Variants in TFDP2 observed in about 807,000 individuals in gnomAD.
TFDP2 encodes transcription factor Dp-2 (E2F dimerization partner 2).
Under a neutral mutation model 59.3 loss-of-function variants are expected in TFDP2, and 17 were observed. The ratio of observed to expected loss-of-function variants is 0.29; its 90% CI spans 0.20 to 0.43. The LOEUF is 0.43. Among genes scored for constraint, TFDP2 ranks in the 20% least tolerant of loss-of-function variants. The probability of loss-of-function intolerance (pLI) is 1.00; values close to 1 mark genes in which losing one functional copy is unlikely to be tolerated. For synonymous variants in TFDP2, 180 were observed against 194.7 expected (o/e 0.92, Z 0.63); for missense variants, 391 against 528.8 (o/e 0.74, Z 2.56).
At chr3:141,998,493 G>A (rs1021576470) in intron 4 of TFDP2, among the ~76,000 whole-genome samples, 2 of 151,860 alleles carry the variant, frequency 1.3e-5, no homozygotes, top group South Asian at 2.1e-4. Flanking sequence ...GGTGCACGCC[G>A]GTAATCCCAG....
rs147534228 is a variant in TFDP2, at chr3:142,149,123, C to T, written c.-93+60G>A. 2.2e-3 allele frequency: 865 copies of T among 397,850 alleles called. 7 individuals are homozygous for T. The highest frequency in any genetic ancestry group is 0.016 in the African/African-American group (788 of 48,698). 24.6% of individuals were successfully genotyped at this position (397,850 alleles called of 1,614,324 possible). A position where few individuals can be genotyped will look rare whatever the true frequency, so the allele number is the denominator to read the frequency against. On this transcript the variant is annotated intron_variant, in intron 1 of 12. Transcript: ENST00000489671. ...AGGGAGGGAAACCTACCCAGGAACG[C>T]GCCCGGCCGGGTCCAAAGGCCCTCC... is the stretch of plus-strand genomic sequence containing the variant.
intron 3 of TFDP2, among the ~76,000 whole-genome samples, chr3:142,066,711 G>C (rs985860375): frequency 6.6e-6 from 1 of 152,026 alleles, no homozygotes; most frequent in African/African-American, 2.4e-5. Flanking sequence ...CTGTGACCCA[G>C]GGGACCCCAG....
intron 1 of TFDP2, among the ~76,000 whole-genome samples, chr3:142,104,914 A>T (rs2061426249): frequency 6.6e-6 from 1 of 152,154 alleles, no homozygotes; most frequent in Non-Finnish European, 1.5e-5. Context: ...CTAATAAATA[A>T]AGCAGCAGTG....
At chr3:141,970,665 A>C (rs1266808335) in intron 8 of TFDP2, among the ~76,000 whole-genome samples, 1 of 152,198 alleles carries the variant, frequency 6.6e-6, no homozygotes, top group African/African-American at 2.4e-5. Flanking sequence ...TCTATTATTA[A>C]TTACTTTGTT....
intron 1 of TFDP2, among the ~76,000 whole-genome samples, chr3:142,106,518 T>C (rs1454800488): frequency 6.6e-6 from 1 of 152,240 alleles, no homozygotes; most frequent in Non-Finnish European, 1.5e-5. Flanking sequence ...CCAAAGTGTC[T>C]AGAAATTAAA....
At chr3:142,104,987 C>A (rs984469013) in intron 1 of TFDP2, among the ~76,000 whole-genome samples, 2 of 152,048 alleles carry the variant, frequency 1.3e-5, no homozygotes, top group African/African-American at 4.8e-5. Context: ...GTTGTGTGAT[C>A]CTGAACAAGT....
intron 6 of TFDP2, among the ~76,000 whole-genome samples, chr3:141,980,036 G>C (rs1347724868): frequency 1.3e-5 from 2 of 151,392 alleles, no homozygotes; most frequent in African/African-American, 2.4e-5. Context: ...AGCCTTCCAA[G>C]TAGTTAGAAT....
intron 1 of TFDP2, among the ~76,000 whole-genome samples, chr3:142,117,504 G>A (rs1256074397): frequency 1.3e-5 from 2 of 152,034 alleles, no homozygotes; most frequent in Non-Finnish European, 2.9e-5. Flanking sequence ...AGAGTGAAGG[G>A]AGGTGAAAAA....
At chr3:142,097,435 A>C (rs991064678) in intron 2 of TFDP2, among the ~76,000 whole-genome samples, 2 of 152,230 alleles carry the variant, frequency 1.3e-5, no homozygotes, top group African/African-American at 4.8e-5. Flanking sequence ...TCATGCCTGT[A>C]ATAGGAGCAC....
chr3:141,973,630 C>T (rs1210823332), intron 8 of TFDP2, among the ~76,000 whole-genome samples: 1 of 150,782 alleles, frequency 6.6e-6, no homozygotes, highest in African/African-American at 2.4e-5. Context: ...ACTTCCACAG[C>T]TATATTCAGA....
intron 3 of TFDP2, among the ~76,000 whole-genome samples, chr3:142,025,912 C>T (rs910791249): frequency 6.6e-6 from 1 of 151,658 alleles, no homozygotes; most frequent in Non-Finnish European, 1.5e-5. Context: ...TGCAGTGAGC[C>T]GAGATCACAC....
chr3:142,141,279 C>A lies in TFDP2; in HGVS notation c.-93+7904G>T, dbSNP rs150284872. Among the ~76,000 whole-genome samples, 695 of 152,334 alleles carry A rather than the reference C, an allele frequency of 4.6e-3. 5 individuals carry two copies. Among genetic ancestry groups the A allele is most frequent in the African/African-American group, 0.016 (649 of 41,576 alleles). On this transcript the variant is annotated intron_variant, in intron 1 of 12. Transcript: ENST00000489671. ...TTTTTCCAGGTACAGTCTGTCACGG[C>A]TTCCCTTGACTAGGAAAGGGAAATC...
At chr3:142,007,058 G>A (rs1456858440) in intron 3 of TFDP2, among the ~76,000 whole-genome samples, 1 of 152,178 alleles carries the variant, frequency 6.6e-6, no homozygotes, top group Non-Finnish European at 1.5e-5. Context: ...ACAGGCGTGA[G>A]CCACCACGCC....
At chr3:142,011,375 G>A (rs1362575839) in intron 3 of TFDP2, among the ~76,000 whole-genome samples, 1 of 140,440 alleles carries the variant, frequency 7.1e-6, no homozygotes, top group African/African-American at 2.6e-5. Flanking sequence ...TCACTCATAG[G>A]TGGGAATTGA....
chr3:142,081,015 C>A (rs1576930504), intron 3 of TFDP2, among the ~76,000 whole-genome samples: 1 of 152,176 alleles, frequency 6.6e-6, no homozygotes, highest in East Asian at 1.9e-4. Context: ...AACATTTCAT[C>A]CAATGGCTGC....
In TFDP2 at chr3:141,959,908, T is replaced by C; in HGVS notation, c.885-68A>G. The stretch of plus-strand genomic sequence containing the variant: ...GAGGTCTGAATAGTTTTGTATTCTA[T>C]AGTTTAAGTAACAGAATGGGGGCCT... On this transcript the variant is annotated intron_variant, in intron 10 of 12. Transcript: ENST00000489671. The C allele has an allele frequency of 6.7e-6, 10 of 1,489,642 alleles. No individual in the cohort carries two copies. In the South Asian group the frequency reaches 7.6e-5, roughly 11 times the overall value. 92.3% of individuals were successfully genotyped at this position (1,489,642 alleles called of 1,614,324 possible). A position where few individuals can be genotyped will look rare whatever the true frequency, so the allele number is the denominator to read the frequency against.
At chr3:141,975,954 C>T (rs917069359) in intron 7 of TFDP2, among the ~76,000 whole-genome samples, 2 of 152,048 alleles carry the variant, frequency 1.3e-5, no homozygotes, top group African/African-American at 4.8e-5. Context: ...GATCTCAGCT[C>T]ACTGCAACCT....
intron 2 of TFDP2, among the ~76,000 whole-genome samples, chr3:142,094,533 G>T (rs1157340520): frequency 6.6e-6 from 1 of 151,990 alleles, no homozygotes; most frequent in Admixed American, 6.6e-5. Context: ...TCGAACTCCT[G>T]ACCTCAAGTG....
chr3:142,140,901 C>T (rs2062929254), intron 1 of TFDP2, among the ~76,000 whole-genome samples: 1 of 152,124 alleles, frequency 6.6e-6, no homozygotes. Context: ...GCTGGGAGAA[C>T]CACTGCTGTC....
Sources: gnomAD v4.1 joint callset for allele counts (sites outside exome capture counted in the v4.1 genomes callset) on GRCh38, gnomAD v4.1.1 for gene constraint, MANE v1.5 for transcripts, NCBI Gene and HGNC (gene_info 2026-07-23, HGNC 2026-07-21) for gene names.